The following EXT1 variants were observed in gnomAD, a reference collection of about 807,000 sequenced individuals.
EXT1 encodes the protein exostosin glycosyltransferase 1, also known as exostosin-1.
Under a neutral mutation model 82.5 loss-of-function variants are expected in EXT1, and 20 were observed. The observed-to-expected ratio is 0.24, with a 90% CI of 0.17 to 0.35. EXT1 has a LOEUF of 0.35. EXT1 is among the 10% of genes least tolerant of loss of function. EXT1 has a pLI of 1.00. For missense variants in EXT1, 757 were observed against 936.5 expected (o/e 0.81, Z 2.50); for synonymous variants, 348 against 350.8 (o/e 0.99, Z 0.09).
chr8:117,929,251 G>A (rs749631684), intron 1 of EXT1, among the ~76,000 whole-genome samples: 15 of 152,126 alleles, frequency 9.9e-5, no homozygotes, highest in Admixed American at 8.5e-4. Flanking sequence ...GTAAAGAAAC[G>A]CACAGGTAGT....
At chr8:117,859,913 G>A (rs55937833) in intron 1 of EXT1, among the ~76,000 whole-genome samples, 5,269 of 152,092 alleles carry the variant, frequency 0.035, 296 homozygotes, top group African/African-American at 0.12. Flanking sequence ...TTGGGAGGCC[G>A]AGGTGGGCAG....
chr8:117,846,066 A>T (rs1262381799), intron 1 of EXT1, among the ~76,000 whole-genome samples: 6 of 152,092 alleles, frequency 3.9e-5, no homozygotes, highest in Non-Finnish European at 8.8e-5. Flanking sequence ...TAATCTCAGG[A>T]AGCTTTCTGA....
At chr8:117,810,592 G>A (rs987755920) in intron 8 of EXT1, among the ~76,000 whole-genome samples, 1 of 152,258 alleles carries the variant, frequency 6.6e-6, no homozygotes, top group Non-Finnish European at 1.5e-5. Flanking sequence ...ATCCTAGAGT[G>A]AGACTAATTG....
intron 1 of EXT1, among the ~76,000 whole-genome samples, chr8:117,942,874 A>G (rs1298235006): frequency 6.6e-6 from 1 of 152,138 alleles, no homozygotes; most frequent in Non-Finnish European, 1.5e-5. Flanking sequence ...CCCAGGGTCT[A>G]CTCCCAGCCC....
rs77260224 is a variant in EXT1, at chr8:117,950,548, G to T, written c.963-113347C>A. 3.0e-3 allele frequency among the ~76,000 whole-genome samples: 454 copies of T among 152,264 alleles called. 1 individual carries two copies. The highest frequency in any genetic ancestry group is 3.9e-3 in the Non-Finnish European group (262 of 68,014). Reference sequence around the variant, plus strand: ...ATGAACCTTTACTTGGTCAAGATAGGATAACACGAGGGCTAAAGGAAAGAG... The same window carrying T: ...ATGAACCTTTACTTGGTCAAGATAGTATAACACGAGGGCTAAAGGAAAGAG... On this transcript the variant is annotated intron_variant, in intron 1 of 10. Transcript: ENST00000378204.
intron 4 of EXT1, among the ~76,000 whole-genome samples, chr8:117,824,582 TAGC>T (rs1811979271): frequency 6.6e-6 from 1 of 152,216 alleles, no homozygotes; most frequent in Non-Finnish European, 1.5e-5. Flanking sequence ...AATTTAAGAA[TAGC>T]TGCCTAAGTT....
At chr8:118,076,755 A>G (rs1267118225) in intron 1 of EXT1, among the ~76,000 whole-genome samples, 1 of 152,200 alleles carries the variant, frequency 6.6e-6, no homozygotes, top group Non-Finnish European at 1.5e-5. Flanking sequence ...TAAGTAAATC[A>G]ATTACTTATT....
intron 1 of EXT1, among the ~76,000 whole-genome samples, chr8:117,918,147 T>C (rs1392643458): frequency 1.3e-5 from 2 of 152,204 alleles, no homozygotes; most frequent in East Asian, 3.8e-4. Flanking sequence ...GAGACGTCAC[T>C]ACACTGAATG....
chr8:118,092,835 GA>G (rs1817546993), intron 1 of EXT1, among the ~76,000 whole-genome samples: 1 of 152,144 alleles, frequency 6.6e-6, no homozygotes, highest in Non-Finnish European at 1.5e-5. Context: ...TCTGCTATCT[GA>G]AAAATCACTA....
rs375777653 is a variant in EXT1, at chr8:117,948,458, G to A, written c.963-111257C>T. On this transcript the variant is annotated intron_variant, in intron 1 of 10. Transcript: ENST00000378204. Reference sequence around the variant, plus strand: ...TTGTATTCTTATATTTTAGGATCACGGACTCCATTCAGAATCTAAGAACGT... The same window carrying A: ...TTGTATTCTTATATTTTAGGATCACAGACTCCATTCAGAATCTAAGAACGT... Among the ~76,000 whole-genome samples, 37 of 152,114 alleles carry A rather than the reference G, an allele frequency of 2.4e-4. 1 individual carries two copies. The highest frequency in any genetic ancestry group is 8.0e-4 in the African/African-American group (33 of 41,508).
intron 1 of EXT1, among the ~76,000 whole-genome samples, chr8:117,885,067 C>T (rs1439895274): frequency 6.6e-6 from 1 of 152,086 alleles, no homozygotes; most frequent in Non-Finnish European, 1.5e-5. Context: ...ATTTTGAAAA[C>T]ATCCAAAACA....
intron 1 of EXT1, among the ~76,000 whole-genome samples, chr8:118,033,975 T>C (rs1816377452): frequency 6.6e-6 from 1 of 152,164 alleles, no homozygotes; most frequent in African/African-American, 2.4e-5. Flanking sequence ...TAAGGATTAA[T>C]TTGGAATAGA....
At chr8:117,809,218 A>ATATATATATATATATAT (rs1823280806) in intron 8 of EXT1, among the ~76,000 whole-genome samples, 1 of 107,938 alleles carries the variant, frequency 9.3e-6, no homozygotes, top group Non-Finnish European at 1.9e-5. Context: ...TGTGTGTATA[A>ATATATATATATATATAT]ATATATATAT....
intron 1 of EXT1, among the ~76,000 whole-genome samples, chr8:117,856,804 G>A (rs1812570443): frequency 6.6e-6 from 1 of 152,148 alleles, no homozygotes; most frequent in Non-Finnish European, 1.5e-5. Context: ...CCTTAGATTG[G>A]AAGAAGATGC....
rs552960461 is a variant in EXT1, at chr8:117,838,846, C to T, written c.963-1645G>A. On this transcript the variant is annotated intron_variant, in intron 1 of 10. Coordinates refer to ENST00000378204, the MANE Select transcript of EXT1 (RefSeq NM_000127.3). ...TGATTTTTTTTTAATACAGAAAGGTCGAATATACTTCAGACTACAGCAAGG... is the reference window on the plus strand; with the variant it reads ...TGATTTTTTTTTAATACAGAAAGGTTGAATATACTTCAGACTACAGCAAGG... Among the ~76,000 whole-genome samples the T allele has an allele frequency of 2.0e-5, 3 of 151,874 alleles. No individual in the cohort carries two copies. The South Asian group carries it at 6.2e-4, about 32-fold the overall frequency.
chr8:117,981,974 T>C (rs920248371), intron 1 of EXT1, among the ~76,000 whole-genome samples: 2 of 152,172 alleles, frequency 1.3e-5, no homozygotes, highest in Admixed American at 6.5e-5. Flanking sequence ...TTTTTACAGT[T>C]TAGATTTTTT....
intron 1 of EXT1, among the ~76,000 whole-genome samples, chr8:117,920,427 C>T (rs1462497399): frequency 2.0e-5 from 3 of 152,140 alleles, no homozygotes; most frequent in Admixed American, 2.0e-4. Context: ...TTAACAGTAT[C>T]TGTAGTGTGA....
At chr8:118,104,598 G>T (rs996101302) in intron 1 of EXT1, among the ~76,000 whole-genome samples, 1 of 152,208 alleles carries the variant, frequency 6.6e-6, no homozygotes, top group African/African-American at 2.4e-5. Flanking sequence ...AGGCTGAGAA[G>T]GACTTGGCCT....
rs74547818 is a variant in EXT1 at position 118,058,337 on chromosome 8, C to A, written c.962+51748G>T. Among the ~76,000 whole-genome samples, 21 of 152,166 alleles carry A rather than the reference C, an allele frequency of 1.4e-4. No individual in the cohort carries two copies. The South Asian group carries it at 2.9e-3, about 21-fold the overall frequency. ...ATACCTCAATAAAAAGTTGAAGTAC[C>A]GCCTAAAAAGCAGCTCACACTTTGG... On this transcript the variant is annotated intron_variant, in intron 1 of 10. Coordinates refer to ENST00000378204, the MANE Select transcript of EXT1 (RefSeq NM_000127.3).
Sources: gnomAD v4.1 joint callset for allele counts (sites outside exome capture counted in the v4.1 genomes callset) on GRCh38, gnomAD v4.1.1 for gene constraint, MANE v1.5 for transcripts, NCBI Gene and HGNC (gene_info 2026-07-23, HGNC 2026-07-21) for gene names.